CAMKMT: variants seen among roughly 807,000 people sequenced by gnomAD.
The protein encoded by CAMKMT is calmodulin-lysine N-methyltransferase.
Under a neutral mutation model 48.0 loss-of-function variants are expected in CAMKMT, and 53 were observed. The observed-to-expected ratio is 1.10, with a 90% confidence interval of 0.89 to 1.39. CAMKMT has a LOEUF of 1.39. Ranked by LOEUF, CAMKMT falls within the 40% of genes most tolerant of loss-of-function variation. CAMKMT has a pLI of 0.00. For synonymous variants in CAMKMT, 165 were observed against 152.3 expected, an observed-to-expected ratio of 1.08 and a Z score of -0.61; for missense variants, 428 against 402.7, an observed-to-expected ratio of 1.06 and a Z score of -0.54.
chr2:44,533,514 C>T (rs13405969), intron 3 of CAMKMT, among the ~76,000 whole-genome samples: 1 of 152,216 alleles, frequency 6.6e-6, no homozygotes, highest in African/African-American at 2.4e-5. Context: ...GTTGGGATTA[C>T]AGGCATGAGC....
At chr2:44,683,931 A>G (rs1415688364) in intron 3 of CAMKMT, among the ~76,000 whole-genome samples, 2 of 151,950 alleles carry the variant, frequency 1.3e-5, no homozygotes, top group South Asian at 2.1e-4. Context: ...CCAAAAGGTT[A>G]TTGTTTTTCA....
intron 3 of CAMKMT, among the ~76,000 whole-genome samples, chr2:44,402,740 G>GTTTTTTTTTTT: frequency 3.1e-4 from 29 of 94,092 alleles, no homozygotes; most frequent in Admixed American, 4.3e-4. Context: ...TTGTTTTGCT[G>GTTTTTTTTTTT]TTTTTTTTTT....
At chr2:44,433,459 A>G (rs1418880242) in intron 3 of CAMKMT, among the ~76,000 whole-genome samples, 1 of 152,122 alleles carries the variant, frequency 6.6e-6, no homozygotes, top group African/African-American at 2.4e-5. Context: ...GGGTTTTCAT[A>G]AGTTTGTATA....
intron 3 of CAMKMT, among the ~76,000 whole-genome samples, chr2:44,623,053 C>A (rs1481914922): frequency 6.6e-6 from 1 of 151,850 alleles, no homozygotes; most frequent in Non-Finnish European, 1.5e-5. Flanking sequence ...GATGGTATGT[C>A]GGTGATTTGC....
intron 3 of CAMKMT, among the ~76,000 whole-genome samples, chr2:44,600,575 A>T (rs903481353): frequency 5.3e-5 from 8 of 152,068 alleles, no homozygotes; most frequent in Non-Finnish European, 8.8e-5. Flanking sequence ...GCCAAGATCA[A>T]GTTTTTGACA....
chr2:44,677,388 G>C (rs1328171843), intron 3 of CAMKMT, among the ~76,000 whole-genome samples: 1 of 152,190 alleles, frequency 6.6e-6, no homozygotes, highest in Non-Finnish European at 1.5e-5. Flanking sequence ...CTGGGTAGAA[G>C]ATTGCATTCA....
At chr2:44,463,725 C>A (rs952387823) in intron 3 of CAMKMT, among the ~76,000 whole-genome samples, 4 of 151,994 alleles carry the variant, frequency 2.6e-5, no homozygotes, top group Non-Finnish European at 5.9e-5. Context: ...AACTATAAAC[C>A]GAAAAAGAAA....
intron 2 of CAMKMT, among the ~76,000 whole-genome samples, chr2:44,386,501 G>C (rs1390002355): frequency 6.6e-6 from 1 of 151,880 alleles, no homozygotes; most frequent in African/African-American, 2.4e-5. Flanking sequence ...TGTTGTTGTT[G>C]TTTCAATTTC....
At chr2:44,462,705 G>A (rs781119899) in intron 3 of CAMKMT, among the ~76,000 whole-genome samples, 8 of 151,996 alleles carry the variant, frequency 5.3e-5, no homozygotes, top group Non-Finnish European at 1.2e-4. Context: ...TCATTGCTTA[G>A]GGAGTATCTG....
intron 1 of CAMKMT, among the ~76,000 whole-genome samples, chr2:44,367,416 A>G (rs1166259390): frequency 1.3e-5 from 2 of 152,244 alleles, no homozygotes; most frequent in Admixed American, 6.5e-5. Context: ...TGTTTTATGC[A>G]TAAAATTATT....
At chr2:44,673,264 A>G (rs1675436951) in intron 3 of CAMKMT, among the ~76,000 whole-genome samples, 1 of 151,904 alleles carries the variant, frequency 6.6e-6, no homozygotes, top group South Asian at 2.1e-4. Flanking sequence ...CATCTCTACA[A>G]AAATTTCAAA....
intron 3 of CAMKMT, among the ~76,000 whole-genome samples, chr2:44,592,685 T>C (rs1449503251): frequency 1.3e-5 from 2 of 152,222 alleles, no homozygotes; most frequent in Non-Finnish European, 2.9e-5. Flanking sequence ...AAACATAGTA[T>C]ATACAGGGTT....
At chr2:44,395,956 A>G (rs554621002) in intron 3 of CAMKMT, among the ~76,000 whole-genome samples, 1 of 152,264 alleles carries the variant, frequency 6.6e-6, no homozygotes, top group Admixed American at 6.5e-5. Flanking sequence ...TTTAGAATAA[A>G]GTGTTCACAA....
At chr2:44,536,982 A>G (rs1464507616) in intron 3 of CAMKMT, among the ~76,000 whole-genome samples, 2 of 152,030 alleles carry the variant, frequency 1.3e-5, no homozygotes, top group Admixed American at 6.6e-5. Context: ...AACTGGACCC[A>G]TATCTCTCTC....
chr2:44,509,422 A>T (rs558434234), intron 3 of CAMKMT, among the ~76,000 whole-genome samples: 6 of 151,878 alleles, frequency 4.0e-5, no homozygotes, highest in South Asian at 4.2e-4. Context: ...TGATCTTCCC[A>T]CCTCAGCCTT....
chr2:44,533,926 T>C (rs1666623889), intron 3 of CAMKMT, among the ~76,000 whole-genome samples: 1 of 152,184 alleles, frequency 6.6e-6, no homozygotes, highest in African/African-American at 2.4e-5. Context: ...ACTTAAAACA[T>C]AGAGGCTGGC....
intron 3 of CAMKMT, among the ~76,000 whole-genome samples, chr2:44,491,150 C>CA (rs201007456): frequency 2.6e-3 from 298 of 114,158 alleles, no homozygotes; most frequent in African/African-American, 7.2e-3. Flanking sequence ...GACCTTGTCT[C>CA]AAAAAAAAAA....
intron 3 of CAMKMT, among the ~76,000 whole-genome samples, chr2:44,670,139 A>G (rs1017935879): frequency 1.3e-5 from 2 of 152,166 alleles, no homozygotes; most frequent in Non-Finnish European, 1.5e-5. Context: ...ATGTGTTACA[A>G]TTATCTTCTC....
intron 3 of CAMKMT, among the ~76,000 whole-genome samples, chr2:44,473,137 G>T (rs1366436171): frequency 6.6e-6 from 1 of 152,076 alleles, no homozygotes; most frequent in Admixed American, 6.6e-5. Context: ...CTGCCAAATG[G>T]TATGACCTGC....
Sources: gnomAD v4.1 joint callset for allele counts (sites outside exome capture counted in the v4.1 genomes callset) on GRCh38, gnomAD v4.1.1 for gene constraint, MANE v1.5 for transcripts, NCBI Gene and HGNC (gene_info 2026-07-23, HGNC 2026-07-21) for gene names.